The following HDAC8 variants were observed in gnomAD, a reference collection of about 807,000 sequenced individuals.
The protein encoded by HDAC8 is histone deacetylase-like 1.
In HDAC8, 1 loss-of-function variant was observed where a neutral mutation model predicts 32.2. The ratio of observed to expected loss-of-function variants is 0.03; its 90% CI spans 0.01 to 0.15. The LOEUF (loss-of-function observed/expected upper bound fraction) is 0.15. Among genes scored for constraint, HDAC8 ranks in the 10% least tolerant of loss-of-function variants. The pLI is 1.00. For synonymous variants in HDAC8, 108 were observed against 113.9 expected (o/e 0.95, Z 0.33); for missense variants, 117 against 300.0 (o/e 0.39, Z 4.51).
At chrX:72,360,881 G>A (rs1202222147) in intron 9 of HDAC8, among the ~76,000 whole-genome samples, 2 of 112,034 alleles carry the variant, frequency 1.8e-5, no homozygotes, top group African/African-American at 3.2e-5. Flanking sequence ...AGATTTTATT[G>A]CCATGGCTTT....
chrX:72,430,485 G>T (rs1298241237), intron 9 of HDAC8, among the ~76,000 whole-genome samples: 1 of 112,305 alleles, frequency 8.9e-6, no homozygotes, highest in African/African-American at 3.2e-5. Flanking sequence ...TTCTTTCAGC[G>T]TTAGAAACTA....
chrX:72,368,718 C>T (rs1429476361), intron 9 of HDAC8, among the ~76,000 whole-genome samples: 1 of 112,331 alleles, frequency 8.9e-6, no homozygotes, highest in African/African-American at 3.2e-5. Flanking sequence ...GCTGTCCTTC[C>T]CCATTGGGCC....
At chrX:72,546,967 T>C (rs1731434810) in intron 4 of HDAC8, among the ~76,000 whole-genome samples, 1 of 111,421 alleles carries the variant, frequency 9.0e-6, no homozygotes, top group Non-Finnish European at 1.9e-5. Context: ...AATCTAAATG[T>C]TCCTAATCTC....
At chrX:72,367,974 G>A (rs1324492738) in intron 9 of HDAC8, among the ~76,000 whole-genome samples, 1 of 113,155 alleles carries the variant, frequency 8.8e-6, no homozygotes. Flanking sequence ...AAATGAAATG[G>A]CATATTTCAG....
chrX:72,461,748 C>T (rs2047873017), intron 9 of HDAC8, among the ~76,000 whole-genome samples: 1 of 111,490 alleles, frequency 9.0e-6, no homozygotes, highest in Admixed American at 9.5e-5. Flanking sequence ...AACAGGTGAC[C>T]CCTTCCCACA....
chrX:72,389,517 A>G (rs1259963908), intron 9 of HDAC8, among the ~76,000 whole-genome samples: 2 of 111,903 alleles, frequency 1.8e-5, no homozygotes, highest in Admixed American at 1.9e-4. Context: ...CTTTGTACAC[A>G]CAGAAGCATT....
intron 4 of HDAC8, among the ~76,000 whole-genome samples, chrX:72,539,117 A>G (rs1156660644): frequency 1.8e-5 from 2 of 112,450 alleles, no homozygotes; most frequent in Non-Finnish European, 3.8e-5. Flanking sequence ...TCATGTATCA[A>G]TATTGGTTAA....
intron 1 of HDAC8, 52 bp downstream of exon 1, chrX:72,572,599 G>GCCCCCCCCCCCCCCC: frequency 2.2e-6 from 1 of 453,101 alleles, no homozygotes; most frequent in Non-Finnish European, 3.3e-6. Flanking sequence ...TTCGTCCACC[G>GCCCCCCCCCCCCCCC]CCCCCACCCC....
chrX:72,442,643 C>G (rs1162659884), intron 9 of HDAC8, among the ~76,000 whole-genome samples: 78 of 111,663 alleles, frequency 7.0e-4, no homozygotes, highest in African/African-American at 2.5e-3. Context: ...AGCAAAATAA[C>G]CAGCTAACAT....
At chrX:72,343,948 T>C (rs1433062597) in intron 10 of HDAC8, among the ~76,000 whole-genome samples, 2 of 113,021 alleles carry the variant, frequency 1.8e-5, no homozygotes, top group Non-Finnish European at 3.7e-5. Flanking sequence ...GGACTTTCCA[T>C]CTTTGCTTAA....
Position 72,462,108 on chromosome X carries a change from T to C in HDAC8, c.911-10A>G. On this transcript the variant is annotated splice_polypyrimidine_tract_variant and intron_variant, in intron 8 of 10. Transcript: ENST00000373573. ...GCAAGGTTATAGCCTCCTGTCTCCA[T>C]CAAGAATTGTGAAGTTAGGAAAGAA... 1 of 1,165,676 alleles carries C rather than the reference T, an allele frequency of 8.6e-7. No individual in the cohort carries two copies. Among genetic ancestry groups the C allele is most frequent in the Non-Finnish European group, 1.2e-6 (1 of 855,444 alleles).
intron 9 of HDAC8, among the ~76,000 whole-genome samples, chrX:72,366,135 T>C (rs1205430579): frequency 1.8e-5 from 2 of 112,195 alleles, no homozygotes; most frequent in South Asian, 7.4e-4. Flanking sequence ...CTAGTCAGCC[T>C]CTAACTGATT....
chrX:72,410,653 G>A (rs2984301), intron 9 of HDAC8, among the ~76,000 whole-genome samples: 9,493 of 111,304 alleles, frequency 0.085, 958 homozygotes, highest in African/African-American at 0.29. Context: ...CTGCAAAAAT[G>A]TTTCTTGAAT....
At chrX:72,491,451 T>C (rs1556009653) in intron 5 of HDAC8, among the ~76,000 whole-genome samples, 1 of 112,414 alleles carries the variant, frequency 8.9e-6, no homozygotes, top group Non-Finnish European at 1.9e-5. Flanking sequence ...TCCAAAGACG[T>C]ACAACGTGAT....
intron 4 of HDAC8, among the ~76,000 whole-genome samples, chrX:72,536,471 A>G (rs2050527816): frequency 8.9e-6 from 1 of 112,342 alleles, no homozygotes; most frequent in Non-Finnish European, 1.9e-5. Flanking sequence ...TAACTATTGT[A>G]ATTATGAAAC....
At chrX:72,396,892 C>T (rs1326241214) in intron 9 of HDAC8, among the ~76,000 whole-genome samples, 1 of 111,541 alleles carries the variant, frequency 9.0e-6, no homozygotes, top group Non-Finnish European at 1.9e-5. Context: ...TGAAGCTGTT[C>T]TTGAATTGCT....
intron 4 of HDAC8, among the ~76,000 whole-genome samples, chrX:72,508,553 C>T (rs1310761567): frequency 8.9e-6 from 1 of 112,680 alleles, no homozygotes; most frequent in Non-Finnish European, 1.9e-5. Context: ...GAAACTTAAA[C>T]ACCAATATAA....
At chrX:72,514,530 A>C (rs113486129) in intron 4 of HDAC8, among the ~76,000 whole-genome samples, 1 of 112,510 alleles carries the variant, frequency 8.9e-6, no homozygotes, top group Non-Finnish European at 1.9e-5. Context: ...ATAAAATTTT[A>C]TGTGGAATCC....
rs1041264724 is a variant in HDAC8, at chrX:72,384,883, G to A, written c.1006-33045C>T. 7.2e-5 allele frequency among the ~76,000 whole-genome samples: 8 copies of A among 111,458 alleles called. No homozygotes were observed. The East Asian group carries it at 1.4e-3, about 20-fold the overall frequency. The stretch of plus-strand genomic sequence containing the variant: ...TACAATAAGAAAACACATTGTACAC[G>A]GTGTCCTGTAATTCCCTTTTCATTT... On this transcript the variant is annotated intron_variant, in intron 9 of 10. Transcript: ENST00000373573.
Sources: allele counts gnomAD v4.1 joint callset (sites outside exome capture counted in the v4.1 genomes callset), GRCh38; gene constraint gnomAD v4.1.1; transcripts MANE v1.5; gene names NCBI Gene and HGNC (gene_info 2026-07-23, HGNC 2026-07-21).